The following SASH1 variants were observed in gnomAD, a reference collection of about 807,000 sequenced individuals.
SASH1 encodes the protein SAM and SH3 domain-containing protein 1.
Under a neutral mutation model 125.2 loss-of-function variants are expected in SASH1, and 44 were observed. That is an observed-to-expected ratio of 0.35 (90% confidence interval 0.28 to 0.45). The LOEUF is 0.45. Among genes scored for constraint, SASH1 ranks in the 20% least tolerant of loss-of-function variants. The probability of loss-of-function intolerance (pLI) is 1.00; values close to 1 mark genes in which losing one functional copy is unlikely to be tolerated. For missense variants in SASH1, 1,426 were observed against 1,614.5 expected (o/e 0.88, Z 2.00); for synonymous variants, 639 against 649.1 (o/e 0.98, Z 0.24).
the SASH1 span, among the ~76,000 whole-genome samples, chr6:148,229,856 T>G: frequency 6.6e-6 from 1 of 151,540 alleles, no homozygotes; most frequent in Non-Finnish European, 1.5e-5. Flanking sequence ...GGATTACAGG[T>G]GCATGCCACT....
chr6:148,379,592 CATCCATCCATCA>C (rs1783051876), intron 1 of SASH1, among the ~76,000 whole-genome samples: 1 of 152,174 alleles, frequency 6.6e-6, no homozygotes, highest in South Asian at 2.1e-4. Flanking sequence ...ACTTTACTGC[CATCCATCCATCA>C]ATCCATCCAT....
intron 1 of SASH1, among the ~76,000 whole-genome samples, chr6:148,367,258 G>A (rs907971348): frequency 2.6e-5 from 4 of 152,258 alleles, no homozygotes; most frequent in Middle Eastern, 3.4e-3. Context: ...TTAGGTTGGT[G>A]CAAAAGTAAT....
chr6:148,460,541 A>C (rs1000568699), intron 4 of SASH1, among the ~76,000 whole-genome samples: 6 of 152,204 alleles, frequency 3.9e-5, no homozygotes, highest in African/African-American at 1.4e-4. Flanking sequence ...TGTTTTGGAG[A>C]GTTAATGATA....
the SASH1 span, among the ~76,000 whole-genome samples, chr6:148,215,001 T>C: frequency 1.3e-5 from 2 of 152,086 alleles, no homozygotes; most frequent in Non-Finnish European, 2.9e-5. Flanking sequence ...AACAAAACAT[T>C]CTGAGGAGTC....
At chr6:148,288,803 C>T (rs1425990127) in intron 1 of SASH1, among the ~76,000 whole-genome samples, 2 of 152,106 alleles carry the variant, frequency 1.3e-5, no homozygotes, top group African/African-American at 4.8e-5. Context: ...CAGCTAGCCC[C>T]GGTGTCTGTG....
At chr6:148,337,396 T>C (rs1449775771) in intron 1 of SASH1, among the ~76,000 whole-genome samples, 1 of 152,060 alleles carries the variant, frequency 6.6e-6, no homozygotes, top group Non-Finnish European at 1.5e-5. Flanking sequence ...GCAAATTTTT[T>C]TGTATTTTTA....
At chr6:148,464,254 G>T (rs903017172) in intron 4 of SASH1, among the ~76,000 whole-genome samples, 12 of 152,304 alleles carry the variant, frequency 7.9e-5, no homozygotes, top group Middle Eastern at 3.4e-3. Context: ...GGTCTTAATA[G>T]TAGGAGTTAT....
At chr6:148,357,108 C>A (rs116082607) in intron 1 of SASH1, among the ~76,000 whole-genome samples, 2,927 of 152,226 alleles carry the variant, frequency 0.019, 86 homozygotes, top group African/African-American at 0.066. Flanking sequence ...GTATAGTTTG[C>A]GAAAATTTTC....
At chr6:148,208,187 G>A in the SASH1 span, among the ~76,000 whole-genome samples, 1 of 152,178 alleles carries the variant, frequency 6.6e-6, no homozygotes, top group African/African-American at 2.4e-5. Flanking sequence ...TGGTAAAACT[G>A]ATTAAGCCAA....
chr6:148,298,935 T>C (rs1779858691), intron 1 of SASH1, among the ~76,000 whole-genome samples: 1 of 152,190 alleles, frequency 6.6e-6, no homozygotes, highest in African/African-American at 2.4e-5. Context: ...AGACTCACTT[T>C]AAATGAGTCT....
At chr6:148,341,954 G>T (rs1475070255), upstream of SASH1, among the ~76,000 whole-genome samples, 1 of 152,174 alleles carries the variant, frequency 6.6e-6, no homozygotes, top group East Asian at 1.9e-4. Flanking sequence ...TCCAGGGCTA[G>T]TTCCCTTATA....
the SASH1 span, among the ~76,000 whole-genome samples, chr6:148,222,590 A>T: frequency 6.6e-6 from 1 of 152,220 alleles, no homozygotes; most frequent in Non-Finnish European, 1.5e-5. Context: ...TCAAGTTAGT[A>T]CTGAAAACAT....
intron 10 of SASH1, among the ~76,000 whole-genome samples, chr6:148,521,537 C>T (rs972159547): frequency 6.6e-6 from 1 of 152,198 alleles, no homozygotes; most frequent in African/African-American, 2.4e-5. Context: ...CACATGTTGA[C>T]TTTCCTTATT....
At chr6:148,350,140 C>A (rs879467441) in intron 1 of SASH1, among the ~76,000 whole-genome samples, 16 of 152,066 alleles carry the variant, frequency 1.1e-4, no homozygotes, top group African/African-American at 3.1e-4. Flanking sequence ...CCACCGCGCC[C>A]GGCAGATTTT....
upstream of SASH1, among the ~76,000 whole-genome samples, chr6:148,341,556 GACTATTC>G (rs1445328404): frequency 6.6e-6 from 1 of 152,058 alleles, no homozygotes; most frequent in Non-Finnish European, 1.5e-5. Flanking sequence ...TTCCTGTAAG[GACTATTC>G]ACCCATTGCA....
intron 2 of SASH1, among the ~76,000 whole-genome samples, chr6:148,439,895 C>T (rs1192003779): frequency 6.6e-6 from 1 of 152,126 alleles, no homozygotes; most frequent in East Asian, 1.9e-4. Flanking sequence ...ATTATTTCAC[C>T]ATGAACTGTC....
rs59816083 is a variant in SASH1, at chr6:148,455,897, C to T, written c.387-12648C>T. ...AGCGAGAGGAAGGGCCCTCCATGCC[C>T]GCAGTGCCTCCAGCCTTGGCCTTCA... On this transcript the variant is annotated intron_variant, in intron 4 of 19. Transcript: ENST00000367467. Among the ~76,000 whole-genome samples the T allele has an allele frequency of 4.1e-3, 623 of 152,214 alleles. 2 individuals carry two copies. The highest frequency in any genetic ancestry group is 0.014 in the African/African-American group (592 of 41,540).
At chr6:148,346,783 GTGCTTCCAC>G (rs1416682284) in intron 1 of SASH1, among the ~76,000 whole-genome samples, 1 of 152,188 alleles carries the variant, frequency 6.6e-6, no homozygotes, top group Non-Finnish European at 1.5e-5. Flanking sequence ...TAAAATCCCA[GTGCTTCCAC>G]TGGAAACTAA....
chr6:148,379,953 T>C (rs775793228), intron 1 of SASH1: 35 of 456,590 alleles, frequency 7.7e-5, no homozygotes, highest in South Asian at 5.4e-4. Context: ...GGATATCGTG[T>C]GCAGCCATTT....
Sources: allele counts gnomAD v4.1 joint callset (sites outside exome capture counted in the v4.1 genomes callset), GRCh38; gene constraint gnomAD v4.1.1; transcripts MANE v1.5; gene names NCBI Gene and HGNC (gene_info 2026-07-23, HGNC 2026-07-21).